USH2A: variants seen among roughly 807,000 people sequenced by gnomAD.
USH2A encodes the protein Usher syndrome 2A (autosomal recessive, mild).
In USH2A, 443 loss-of-function variants were observed where a neutral mutation model predicts 538.9. The ratio of observed to expected loss-of-function variants is 0.82; its 90% CI spans 0.76 to 0.89. USH2A has a LOEUF of 0.89. Among genes scored for constraint, USH2A ranks in the 40% least tolerant of loss-of-function variants. USH2A has a pLI of 0.00. For synonymous variants in USH2A, 2,413 were observed against 2,273.5 expected (o/e 1.06, Z -1.75); for missense variants, 6,633 against 6,324.8 (o/e 1.05, Z -1.65).
At chr1:215,899,989 T>C in intron 40 of USH2A, 86 bp downstream of exon 40, 1 of 1,592,362 alleles carries the variant, frequency 6.3e-7, no homozygotes, top group Non-Finnish European at 8.6e-7. Context: ...TAAGGGAGGC[T>C]CATTTCTTTG....
chr1:215,629,773 C>CTTTTTTTTTTTTTTTT (rs34349385), intron 70 of USH2A, among the ~76,000 whole-genome samples: 17 of 125,036 alleles, frequency 1.4e-4, no homozygotes, highest in Non-Finnish European at 2.7e-4. Flanking sequence ...CTTTTCTTTT[C>CTTTTTTTTTTTTTTTT]TTTTTTTTTT....
intron 9 of USH2A, among the ~76,000 whole-genome samples, chr1:216,313,494 TA>T (rs2037457303): frequency 6.6e-6 from 1 of 152,184 alleles, no homozygotes; most frequent in South Asian, 2.1e-4. Flanking sequence ...ATGCTATTTT[TA>T]ATGACCATTT....
chr1:215,812,698 T>G (rs2102792040), intron 49 of USH2A, among the ~76,000 whole-genome samples: 1 of 152,346 alleles, frequency 6.6e-6, no homozygotes, highest in East Asian at 1.9e-4. Context: ...AGTATCAAAC[T>G]TAAGTAGTAG....
chr1:215,900,297 A>T (rs1315547399), intron 39 of USH2A, 80 bp from the exon 40 acceptor site: 2 of 1,472,756 alleles, frequency 1.4e-6, no homozygotes, highest in Non-Finnish European at 1.9e-6. Flanking sequence ...ACTACAAAAA[A>T]ATTTTAGAGG....
intron 49 of USH2A, among the ~76,000 whole-genome samples, chr1:215,808,693 G>A (rs752959919): frequency 2.6e-5 from 4 of 152,022 alleles, no homozygotes; most frequent in Non-Finnish European, 5.9e-5. Context: ...GTAGCTTTTT[G>A]AGACTGGCTT....
intron 21 of USH2A, chr1:216,174,927 C>T: frequency 8.6e-7 from 1 of 1,161,916 alleles, no homozygotes; most frequent in South Asian, 2.0e-5. Context: ...CTCATTTGCT[C>T]AGAGAACACA....
intron 21 of USH2A, among the ~76,000 whole-genome samples, chr1:216,114,143 AATTG>A (rs888317629): frequency 2.0e-5 from 3 of 151,872 alleles, no homozygotes; most frequent in African/African-American, 7.2e-5. Flanking sequence ...TTATATATTT[AATTG>A]ATATTAAGAA....
intron 64 of USH2A, 100 bp downstream of exon 64, chr1:215,670,872 A>G (rs1657792758): frequency 8.0e-7 from 1 of 1,245,342 alleles, no homozygotes; most frequent in Non-Finnish European, 1.2e-6. Flanking sequence ...TAAGTCCTAC[A>G]TTTCTTTAAG....
At chr1:216,296,280 A>G (rs1018120414) in intron 9 of USH2A, among the ~76,000 whole-genome samples, 2 of 152,088 alleles carry the variant, frequency 1.3e-5, no homozygotes, top group African/African-American at 4.8e-5. Flanking sequence ...ATGGTCAATT[A>G]AAATATCACT....
chr1:216,246,448 T>G, intron 13 of USH2A, 137 bp downstream of exon 13: 1 of 1,059,724 alleles, frequency 9.4e-7, no homozygotes, highest in Non-Finnish European at 1.4e-6. Flanking sequence ...ATATATGTGT[T>G]GGATAATGAT....
At chr1:216,174,751 A>G in intron 21 of USH2A, 1 of 995,616 alleles carries the variant, frequency 1.0e-6, no homozygotes, top group South Asian at 4.4e-5. Context: ...ACAGTGAAAA[A>G]AAGAAGAAGG....
At chr1:216,405,188 TA>T (rs1012638444) in intron 3 of USH2A, among the ~76,000 whole-genome samples, 2 of 151,704 alleles carry the variant, frequency 1.3e-5, no homozygotes, top group African/African-American at 2.4e-5. Flanking sequence ...CAATATAAAA[TA>T]AAAAAAATCT....
chr1:216,267,470 C>G (rs2036495777), intron 11 of USH2A, among the ~76,000 whole-genome samples: 1 of 151,930 alleles, frequency 6.6e-6, no homozygotes, highest in Non-Finnish European at 1.5e-5. Flanking sequence ...AAATTGTGAT[C>G]AAGAGAGTTT....
intron 32 of USH2A, among the ~76,000 whole-genome samples, chr1:216,030,643 G>T (rs1406630704): frequency 2.9e-5 from 4 of 136,900 alleles, no homozygotes; most frequent in Non-Finnish European, 6.2e-5. Flanking sequence ...TAATATATAC[G>T]ATATATATAT....
intron 19 of USH2A, among the ~76,000 whole-genome samples, chr1:216,193,581 T>C (rs1027107463): frequency 3.3e-5 from 5 of 152,114 alleles, no homozygotes; most frequent in African/African-American, 9.7e-5. Flanking sequence ...TAATTAGTTG[T>C]CATCCTGGAT....
intron 21 of USH2A, among the ~76,000 whole-genome samples, chr1:216,098,389 G>A (rs980917141): frequency 2.0e-5 from 3 of 152,186 alleles, no homozygotes; most frequent in East Asian, 3.8e-4. Context: ...GAACACAATA[G>A]TGAATAATGA....
At chr1:215,842,371 T>C (rs1663704314) in intron 46 of USH2A, among the ~76,000 whole-genome samples, 1 of 152,136 alleles carries the variant, frequency 6.6e-6, no homozygotes, top group Non-Finnish European at 1.5e-5. Context: ...GAATGTAAAT[T>C]AGTTCAACCA....
intron 38 of USH2A, among the ~76,000 whole-genome samples, chr1:215,922,861 G>T (rs987735838): frequency 1.3e-5 from 2 of 152,042 alleles, no homozygotes; most frequent in African/African-American, 4.8e-5. Context: ...AGACCAAACA[G>T]CTAATTAGCA....
intron 60 of USH2A, among the ~76,000 whole-genome samples, chr1:215,733,777 T>C (rs1660074192): frequency 6.6e-6 from 1 of 152,222 alleles, no homozygotes; most frequent in South Asian, 2.1e-4. Context: ...ATTAACTCCA[T>C]GTCCCACTCC....
Sources: allele counts gnomAD v4.1 joint callset (sites outside exome capture counted in the v4.1 genomes callset), GRCh38; gene constraint gnomAD v4.1.1; transcripts MANE v1.5; gene names NCBI Gene and HGNC (gene_info 2026-07-23, HGNC 2026-07-21).